LETM1: variants seen among roughly 807,000 people sequenced by gnomAD.
LETM1 encodes leucine zipper and EF-hand containing transmembrane protein 1.
Under a neutral mutation model 74.5 loss-of-function variants are expected in LETM1, and 50 were observed. The observed-to-expected ratio is 0.67, with a 90% CI of 0.53 to 0.85. The LOEUF (loss-of-function observed/expected upper bound fraction) is 0.85, where lower values mean the gene tolerates loss of function less well. Among genes scored for constraint, LETM1 ranks in the 40% least tolerant of loss-of-function variants. The probability of loss-of-function intolerance (pLI) is 0.00; values close to 1 mark genes in which losing one functional copy is unlikely to be tolerated. For synonymous variants in LETM1, 446 were observed against 407.1 expected, an observed-to-expected ratio of 1.10 and a Z score of -1.15; for missense variants, 824 against 967.8, an observed-to-expected ratio of 0.85 and a Z score of 1.97.
At chr4:1,816,656 G>T (rs1342000064) in intron 12 of LETM1, 71 bp downstream of exon 12, 2 of 1,473,748 alleles carry the variant, frequency 1.4e-6, no homozygotes, top group African/African-American at 1.4e-5. Flanking sequence ...GGCCCAGCTC[G>T]GATCCAGCAA....
At position 1,841,644 on chromosome 4, in the gene LETM1, TCCCACAGCCACAAAA is replaced by T. The variant is rs1712699845; in HGVS notation, c.282_296del (p.Phe95_Gly99del). On this transcript the variant is annotated inframe_deletion, in exon 3 of 14. Transcript: ENST00000302787. The stretch of plus-strand genomic sequence containing the variant: ...AGCCACGCACAGGAAGGCACTGAGG[TCCCACAGCCACAAAA>T]CCCACAGAGGTAGAGGTCCATGGCG... The T allele has an allele frequency of 6.2e-7, 1 of 1,613,614 alleles. No individual in the cohort carries two copies. The highest frequency in any genetic ancestry group is 1.3e-5 in the African/African-American group (1 of 74,740).
rs1023228208 is a variant in LETM1 at position 1,837,431 on chromosome 4, G to GT, written c.595-860dup. ...TGCCTTCCTATACATTCATTTTTCT[G>GT]TTTTTTTATCGCACTGGACCCATGG... On this transcript the variant is annotated intron_variant, in intron 3 of 13. Transcript: ENST00000302787. 5.9e-5 allele frequency among the ~76,000 whole-genome samples: 9 copies of GT among 152,132 alleles called. No homozygotes were observed. The South Asian group carries it at 6.2e-4, about 11-fold the overall frequency.
In LETM1 at chr4:1,811,582, C is replaced by T. The variant is rs1050914530; in HGVS notation, c.*2842G>A. 5.2e-5 allele frequency: 8 copies of T among 152,388 alleles called. No homozygotes were observed. The highest frequency in any genetic ancestry group is 1.4e-4 in the African/African-American group (6 of 41,448). 9.4% of individuals were successfully genotyped at this position (152,388 alleles called of 1,614,324 possible). Reference sequence around the variant, plus strand: ...TCCGGTGGAGTCAGCCGTAGGACCCCTGAAGGATTTACAAAGACAGAGCCG... The same window carrying T: ...TCCGGTGGAGTCAGCCGTAGGACCCTTGAAGGATTTACAAAGACAGAGCCG... On this transcript the variant is annotated 3_prime_UTR_variant, in exon 14 of 14. Transcript: ENST00000302787.
chr4:1,850,839 G>A (rs1713045899), intron 1 of LETM1, among the ~76,000 whole-genome samples: 1 of 150,604 alleles, frequency 6.6e-6, no homozygotes, highest in South Asian at 2.1e-4. Flanking sequence ...GATGGCAGGT[G>A]CCTGTAATCC....
At chr4:1,817,013 A>C in intron 11 of LETM1, 99 bp from the exon 12 acceptor site, 2 of 967,478 alleles carry the variant, frequency 2.1e-6, no homozygotes, top group Non-Finnish European at 3.1e-6. Flanking sequence ...TGCAAGGCCA[A>C]GGCGGGCGGA....
In LETM1 at chr4:1,815,054, G is replaced by C. The variant is rs2108833346; in HGVS notation, c.2071-481C>G. Among the ~76,000 whole-genome samples, 3 of 152,342 alleles carry C rather than the reference G, an allele frequency of 2.0e-5. No homozygotes were observed. In the Middle Eastern group the frequency reaches 0.01, roughly 518 times the overall value. On this transcript the variant is annotated intron_variant, in intron 13 of 13. Coordinates refer to ENST00000302787, the MANE Select transcript of LETM1 (RefSeq NM_012318.3). ...AATCACTAACCTGATGCATGCACCG[G>C]GAGCCACGAGGCAGCTTCCCCTCAG... is the stretch of plus-strand genomic sequence containing the variant.
chr4:1,828,361 C>A (rs1209199913), intron 6 of LETM1, among the ~76,000 whole-genome samples: 4 of 106,000 alleles, frequency 3.8e-5, no homozygotes, highest in Admixed American at 8.9e-5. Context: ...GACGGGGCGG[C>A]TGGCCGGGCG....
At chr4:1,822,386 A>T (rs1449037732) in intron 9 of LETM1, 74 bp from the exon 10 acceptor site, 1 of 1,340,860 alleles carries the variant, frequency 7.5e-7, no homozygotes, top group Non-Finnish European at 9.7e-7. Context: ...CGAAGCTCAG[A>T]ACATATGGCA....
At chr4:1,821,799 T>C (rs548952354) in intron 10 of LETM1, among the ~76,000 whole-genome samples, 30 of 152,252 alleles carry the variant, frequency 2.0e-4, no homozygotes, top group African/African-American at 7.0e-4. Context: ...TGACAGCAGG[T>C]TGGGCCTGTG....
chr4:1,820,679 G>A (rs1711745595), intron 10 of LETM1, among the ~76,000 whole-genome samples: 1 of 152,236 alleles, frequency 6.6e-6, no homozygotes, highest in African/African-American at 2.4e-5. Flanking sequence ...CAGCTACCAA[G>A]ATAAACATTC....
In LETM1 at chr4:1,841,725, A is replaced by G; in HGVS notation, c.216T>C (p.Cys72=). 2 of 1,614,118 alleles carry G rather than the reference A, an allele frequency of 1.2e-6. No homozygotes were observed. Among genetic ancestry groups the G allele is most frequent in the South Asian group, 1.1e-5 (1 of 91,088 alleles). ...GAAGGCACTCGGGCCTCAGAGCCCA[A>G]CAGCCGAGGTGATCGCCTCTGGAGG... ...YTSSRGDHLG[C]WALRPECLRI... is the part of the protein sequence containing the mutation. The change falls in exon 3 of 14, where the codon TGT becomes TGC. Residue 72 remains cysteine, a synonymous_variant. Coordinates refer to ENST00000302787, the MANE Select transcript of LETM1 (RefSeq NM_012318.3).
chr4:1,841,790 G>A lies in LETM1; in HGVS notation c.151C>T (p.Pro51Ser). 3 of 1,610,488 alleles carry A rather than the reference G, an allele frequency of 1.9e-6. No homozygotes were observed. The highest frequency in any genetic ancestry group is 2.5e-6 in the Non-Finnish European group (3 of 1,178,444). ...TGGATGGGAGTGCAGCAGCCAAATG[G>A]AACATTCCTTGAAAAGGGAAGAGTG... ...TLGLRNCLNV[P>S]FGCCTPIHPV... Residue 51 changes from proline to serine, a missense_variant, in exon 3 of 14, where the codon CCA becomes TCA. Transcript: ENST00000302787.
Position 1,812,365 on chromosome 4 carries a change from A to C in LETM1, c.*2059T>G, listed in dbSNP as rs11736298. ...GGGTGACAGAGCGAGACTCTGTATC[A>C]AAAAAAAAAAAAAAAAAAAAAAAAA... On this transcript the variant is annotated 3_prime_UTR_variant, in exon 14 of 14. Coordinates refer to ENST00000302787, the MANE Select transcript of LETM1 (RefSeq NM_012318.3). 1 of 5,714 alleles carries C rather than the reference A, an allele frequency of 1.8e-4. No individual in the cohort carries two copies. Among genetic ancestry groups the C allele is most frequent in the African/African-American group, 4.9e-4 (1 of 2,040 alleles). The allele number at this position is 5,714 out of a possible 1,614,324, so 0.4% of individuals were successfully genotyped here. A position where few individuals can be genotyped will look rare whatever the true frequency, so the allele number is the denominator to read the frequency against.
Position 1,822,302 on chromosome 4 carries a change from T to C in LETM1, c.1487A>G (p.Glu496Gly). 1.3e-6 allele frequency: 2 copies of C among 1,501,502 alleles called. No individual in the cohort carries two copies. Among genetic ancestry groups the C allele is most frequent in the Non-Finnish European group, 1.8e-6 (2 of 1,117,606 alleles). 93.0% of individuals were successfully genotyped at this position (1,501,502 alleles called of 1,614,324 possible). Reference sequence around the variant, plus strand: ...GGGAGCAGCTACCACACGTTCGGGCTCAAAATCCTTCTGAAAGGCAAGGCG... The same window carrying C: ...GGGAGCAGCTACCACACGTTCGGGCCCAAAATCCTTCTGAAAGGCAAGGCG... ...QKRSEVAKDF[E>G]PERVVAAPQR... Residue 496 changes from glutamate to glycine, a missense_variant, in exon 10 of 14, where the codon GAG becomes GGG. By Grantham distance (98) the Glu-to-Gly change is moderately conservative (BLOSUM62 -2). Coordinates refer to ENST00000302787, the MANE Select transcript of LETM1 (RefSeq NM_012318.3).
At chr4:1,853,285 T>C (rs1713131457) in intron 1 of LETM1, among the ~76,000 whole-genome samples, 1 of 152,050 alleles carries the variant, frequency 6.6e-6, no homozygotes, top group Non-Finnish European at 1.5e-5. Context: ...CTGCTTCTGC[T>C]CGTAAAGCGA....
At chr4:1,828,971 G>A (rs1207697345) in intron 6 of LETM1, among the ~76,000 whole-genome samples, 7 of 108,168 alleles carry the variant, frequency 6.5e-5, no homozygotes, top group South Asian at 3.3e-4. Flanking sequence ...CGGACGGGGC[G>A]GCTGGCCGGG....
intron 6 of LETM1, among the ~76,000 whole-genome samples, chr4:1,830,106 G>A (rs528098902): frequency 6.6e-6 from 1 of 152,076 alleles, no homozygotes; most frequent in African/African-American, 2.4e-5. Context: ...TTTCTCCCCC[G>A]GAACATCAGA....
chr4:1,840,045 G>A (rs558596336), intron 3 of LETM1, among the ~76,000 whole-genome samples: 8 of 152,140 alleles, frequency 5.3e-5, no homozygotes, highest in African/African-American at 7.2e-5. Context: ...CCATAAATAC[G>A]TATACCTACT....
intron 11 of LETM1, 108 bp downstream of exon 11, chr4:1,819,230 G>T: frequency 2.6e-6 from 3 of 1,156,748 alleles, no homozygotes; most frequent in South Asian, 1.6e-5. Flanking sequence ...AATACTCTTT[G>T]GCCAGCTTAT....
Sources: gnomAD v4.1 joint callset for allele counts (sites outside exome capture counted in the v4.1 genomes callset) on GRCh38, gnomAD v4.1.1 for gene constraint, MANE v1.5 for transcripts, NCBI Gene and HGNC (gene_info 2026-07-23, HGNC 2026-07-21) for gene names.